Variants in PALM2AKAP2 observed in about 807,000 individuals in gnomAD.
PALM2AKAP2 encodes the protein PALM2-AKAP2 fusion protein.
Under a neutral mutation model 71.5 loss-of-function variants are expected in PALM2AKAP2, and 37 were observed. The ratio of observed to expected loss-of-function variants is 0.52; its 90% CI spans 0.40 to 0.68. The LOEUF (loss-of-function observed/expected upper bound fraction) is 0.68, where lower values mean the gene tolerates loss of function less well. Among genes scored for constraint, PALM2AKAP2 ranks in the 30% least tolerant of loss-of-function variants. PALM2AKAP2 has a pLI of 0.00. For synonymous variants in PALM2AKAP2, 468 were observed against 478.8 expected, an observed-to-expected ratio of 0.98 and a Z score of 0.29; for missense variants, 1,224 against 1,191.8, an observed-to-expected ratio of 1.03 and a Z score of -0.40.
chr9:110,148,762 C>T (rs1328178395), intron 2 of PALM2AKAP2: 1 of 152,116 alleles, frequency 6.6e-6, no homozygotes, highest in Non-Finnish European at 1.5e-5. Flanking sequence ...AAGGCTTTTT[C>T]TTTTATTTTG....
chr9:109,750,770 A>T (rs1268805338), intron 1 of PALM2AKAP2, among the ~76,000 whole-genome samples: 2 of 152,172 alleles, frequency 1.3e-5, no homozygotes, highest in Non-Finnish European at 2.9e-5. Context: ...AGAAATTTTT[A>T]AAATGTTGGC....
At chr9:109,770,347 A>G (rs1173363079) in intron 1 of PALM2AKAP2, among the ~76,000 whole-genome samples, 1 of 152,062 alleles carries the variant, frequency 6.6e-6, no homozygotes, top group Non-Finnish European at 1.5e-5. Flanking sequence ...CCCAGAAACT[A>G]TACATAAAAT....
At chr9:109,734,841 G>T (rs966098095) in intron 1 of PALM2AKAP2, among the ~76,000 whole-genome samples, 1 of 152,068 alleles carries the variant, frequency 6.6e-6, no homozygotes, top group Non-Finnish European at 1.5e-5. Flanking sequence ...CGGAAAGAGG[G>T]TCCCTCTGCC....
At chr9:109,903,517 C>T (rs933428042) in intron 3 of PALM2AKAP2, among the ~76,000 whole-genome samples, 1 of 152,162 alleles carries the variant, frequency 6.6e-6, no homozygotes, top group African/African-American at 2.4e-5. Context: ...CATGGCTTAG[C>T]TGGATATTTT....
intron 1 of PALM2AKAP2, among the ~76,000 whole-genome samples, chr9:109,645,924 G>A (rs965564808): frequency 2.6e-5 from 4 of 151,906 alleles, no homozygotes; most frequent in Non-Finnish European, 4.4e-5. Context: ...ATTTACAAAA[G>A]GTCTATCTTG....
At chr9:109,925,119 TA>T (rs1484585015) in intron 5 of PALM2AKAP2, 37 bp downstream of exon 5, 1 of 1,613,884 alleles carries the variant, frequency 6.2e-7, no homozygotes, top group East Asian at 2.2e-5. Flanking sequence ...ATGAATGTTT[TA>T]ATCCTGGTCA....
intron 1 of PALM2AKAP2, among the ~76,000 whole-genome samples, chr9:109,770,133 T>G (rs1045787205): frequency 3.3e-5 from 5 of 152,186 alleles, no homozygotes; most frequent in African/African-American, 9.7e-5. Context: ...GAGGAGCTCT[T>G]GGGCTGGGTC....
At chr9:109,829,400 A>G (rs1828238615) in intron 1 of PALM2AKAP2, among the ~76,000 whole-genome samples, 1 of 152,158 alleles carries the variant, frequency 6.6e-6, no homozygotes, top group Admixed American at 6.6e-5. Context: ...CTTAAGGACT[A>G]GAGAGTGACT....
At chr9:109,760,857 AT>A (rs944576934) in intron 1 of PALM2AKAP2, among the ~76,000 whole-genome samples, 14 of 152,022 alleles carry the variant, frequency 9.2e-5, no homozygotes, top group South Asian at 2.1e-4. Flanking sequence ...CAACTGTTGC[AT>A]TTTTTTTCTC....
At chr9:109,832,536 C>A (rs1367061725) in intron 1 of PALM2AKAP2, among the ~76,000 whole-genome samples, 1 of 152,220 alleles carries the variant, frequency 6.6e-6, no homozygotes, top group African/African-American at 2.4e-5. Context: ...AGACAATAAT[C>A]TGAGGTTGGT....
In PALM2AKAP2 at chr9:110,023,335, A is replaced by G. The variant is rs1227458493; in HGVS notation, c.582+7296A>G. ...TTTTTTTTTTTTTTTTTTTTTTGAG[A>G]TGGAGTTTCGCTCTTGTCACCCAGG... On this transcript the variant is annotated intron_variant, in intron 7 of 9. Transcript: ENST00000302798. 2.6e-4 allele frequency among the ~76,000 whole-genome samples: 15 copies of G among 58,678 alleles called. No homozygotes were observed. In the Admixed American group the frequency reaches 3.7e-3, roughly 15 times the overall value. 38.5% of individuals were successfully genotyped at this position (58,678 alleles called of 152,430 possible).
intron 1 of PALM2AKAP2, among the ~76,000 whole-genome samples, chr9:109,671,901 CTGT>C (rs753368082): frequency 2.0e-5 from 3 of 152,058 alleles, no homozygotes; most frequent in Non-Finnish European, 2.9e-5. Flanking sequence ...CTCAGCTTGA[CTGT>C]TGTTGGTGTA....
chr9:109,879,540 TG>T (rs758275290), intron 2 of PALM2AKAP2, among the ~76,000 whole-genome samples: 11 of 152,206 alleles, frequency 7.2e-5, no homozygotes, highest in Non-Finnish European at 1.5e-4. Flanking sequence ...TACCTCTCCT[TG>T]CTCTTCCTTT....
chr9:109,990,530 A>G (rs1406665776), intron 6 of PALM2AKAP2, among the ~76,000 whole-genome samples: 1 of 152,144 alleles, frequency 6.6e-6, no homozygotes, highest in Non-Finnish European at 1.5e-5. Flanking sequence ...AGTTGATCCT[A>G]GTCTAAAAAG....
At chr9:109,842,034 G>T (rs1452426558) in intron 1 of PALM2AKAP2, among the ~76,000 whole-genome samples, 6 of 151,928 alleles carry the variant, frequency 3.9e-5, no homozygotes, top group Non-Finnish European at 7.4e-5. Context: ...GTGTTAGGAG[G>T]CCAGGGTCTA....
At chr9:109,681,573 A>C (rs1827734093) in intron 1 of PALM2AKAP2, among the ~76,000 whole-genome samples, 1 of 152,190 alleles carries the variant, frequency 6.6e-6, no homozygotes, top group Non-Finnish European at 1.5e-5. Context: ...TTATGAGACA[A>C]GGTAAACAAG....
At chr9:109,985,896 C>T (rs12685697) in intron 6 of PALM2AKAP2, among the ~76,000 whole-genome samples, 2 of 151,962 alleles carry the variant, frequency 1.3e-5, no homozygotes, top group South Asian at 2.1e-4. Flanking sequence ...ATGATCCCCC[C>T]ACCTTGGCCT....
chr9:109,779,027 C>T (rs1375695298), upstream of PALM2AKAP2, among the ~76,000 whole-genome samples: 1 of 152,200 alleles, frequency 6.6e-6, no homozygotes, highest in Non-Finnish European at 1.5e-5. Flanking sequence ...GCCTTGGCCT[C>T]CCAAAGTGCT....
chr9:110,061,475 CTG>C (rs1051292330), intron 1 of PALM2AKAP2, among the ~76,000 whole-genome samples: 6 of 151,886 alleles, frequency 4.0e-5, no homozygotes, highest in Admixed American at 3.9e-4. Flanking sequence ...CACAGATACT[CTG>C]TTATAAAAGT....
Sources: allele counts gnomAD v4.1 joint callset (sites outside exome capture counted in the v4.1 genomes callset), GRCh38; gene constraint gnomAD v4.1.1; transcripts MANE v1.5; gene names NCBI Gene and HGNC (gene_info 2026-07-23, HGNC 2026-07-21).